The following UNC5C variants were observed in gnomAD, a reference collection of about 807,000 sequenced individuals.
UNC5C encodes the protein unc-5 netrin receptor C, also known as netrin receptor UNC5C.
A neutral mutation model predicts 99.8 loss-of-function variants in UNC5C; 47 were observed. The observed-to-expected ratio is 0.47, with a 90% confidence interval of 0.37 to 0.60. The LOEUF (loss-of-function observed/expected upper bound fraction) is 0.60. Ranked by LOEUF, UNC5C falls within the 20% of genes least tolerant of loss-of-function variation. UNC5C has a pLI of 0.00. For synonymous variants in UNC5C, 487 were observed against 452.2 expected (o/e 1.08, Z -0.98); for missense variants, 1,062 against 1,165.9 (o/e 0.91, Z 1.30).
At chr4:95,252,181 C>T (rs1426695154) in intron 4 of UNC5C, among the ~76,000 whole-genome samples, 1 of 152,174 alleles carries the variant, frequency 6.6e-6, no homozygotes, top group Non-Finnish European at 1.5e-5. Context: ...TACGATCCTG[C>T]TGGAAGTGCA....
At chr4:95,169,455 C>A (rs770095006) in intron 15 of UNC5C, 56 bp from the exon 16 acceptor site, 127 of 1,581,824 alleles carry the variant, frequency 8.0e-5, no homozygotes, top group Non-Finnish European at 1.1e-4. Context: ...ATCTATTTTT[C>A]CTCAGCTAAA....
chr4:95,470,284 T>C (rs1747927010), intron 1 of UNC5C, among the ~76,000 whole-genome samples: 1 of 152,184 alleles, frequency 6.6e-6, no homozygotes, highest in Non-Finnish European at 1.5e-5. Context: ...TTTTTCCATA[T>C]ATTTATTTTT....
chr4:95,288,466 G>C (rs1242363673), intron 3 of UNC5C, among the ~76,000 whole-genome samples: 1 of 152,228 alleles, frequency 6.6e-6, no homozygotes, highest in Non-Finnish European at 1.5e-5. Context: ...ATTACTCCAT[G>C]ATGTGAATTT....
At chr4:95,232,151 T>A (rs950123808) in intron 7 of UNC5C, among the ~76,000 whole-genome samples, 55 of 152,024 alleles carry the variant, frequency 3.6e-4, no homozygotes, top group Non-Finnish European at 3.1e-4. Context: ...AATATCAAAC[T>A]CATAGATCAG....
At chr4:95,342,044 G>A (rs1023781612) in intron 1 of UNC5C, among the ~76,000 whole-genome samples, 1 of 152,134 alleles carries the variant, frequency 6.6e-6, no homozygotes, top group Admixed American at 6.5e-5. Context: ...TGGGCTAAGG[G>A]CTGTAAGGTC....
intron 1 of UNC5C, among the ~76,000 whole-genome samples, chr4:95,537,072 T>C (rs1013752426): frequency 1.3e-5 from 2 of 152,216 alleles, no homozygotes; most frequent in Non-Finnish European, 2.9e-5. Flanking sequence ...CTTTTCCTTT[T>C]CCTTTCTTTG....
intron 1 of UNC5C, among the ~76,000 whole-genome samples, chr4:95,422,484 G>A (rs958753561): frequency 6.6e-6 from 1 of 151,848 alleles, no homozygotes; most frequent in African/African-American, 2.4e-5. Flanking sequence ...TTTGAGACAT[G>A]TTTTTTTCTC....
At chr4:95,354,479 A>ATATTTTTTTTTTTTTTTT in intron 1 of UNC5C, among the ~76,000 whole-genome samples, 7 of 110,346 alleles carry the variant, frequency 6.3e-5, no homozygotes, top group Non-Finnish European at 9.0e-5. Flanking sequence ...ATATATATAT[A>ATATTTTTTTTTTTTTTTT]TTTTTTTTTT....
At chr4:95,357,753 T>C (rs1231236280) in intron 1 of UNC5C, among the ~76,000 whole-genome samples, 1 of 152,116 alleles carries the variant, frequency 6.6e-6, no homozygotes, top group Non-Finnish European at 1.5e-5. Flanking sequence ...ATCAAGCCAC[T>C]GTACTCCATC....
At chr4:95,456,449 CACTG>C (rs931242508) in intron 1 of UNC5C, among the ~76,000 whole-genome samples, 1 of 152,110 alleles carries the variant, frequency 6.6e-6, no homozygotes, top group African/African-American at 2.4e-5. Context: ...TGTACATTTT[CACTG>C]ACTGTGTCAT....
chr4:95,293,235 TAAG>T (rs1267261189), intron 3 of UNC5C, among the ~76,000 whole-genome samples: 1 of 142,732 alleles, frequency 7.0e-6, no homozygotes, highest in Non-Finnish European at 1.5e-5. Context: ...GACAAAGCAA[TAAG>T]AAGAGAGGCA....
intron 1 of UNC5C, among the ~76,000 whole-genome samples, chr4:95,466,879 A>G (rs1747797747): frequency 6.6e-6 from 1 of 152,098 alleles, no homozygotes. Flanking sequence ...CTTCATTCCC[A>G]TTGGGTGTGG....
intron 1 of UNC5C, among the ~76,000 whole-genome samples, chr4:95,412,443 ACTGGAAG>A (rs1157424495): frequency 1.3e-5 from 2 of 152,062 alleles, no homozygotes; most frequent in Non-Finnish European, 2.9e-5. Context: ...CCAATCCTAG[ACTGGAAG>A]CTCCTTGAAG....
At chr4:95,176,826 G>T (rs9307154) in intron 14 of UNC5C, among the ~76,000 whole-genome samples, 86,207 of 151,928 alleles carry the variant, frequency 0.57, 24,722 homozygotes, top group Middle Eastern at 0.68. Context: ...CAATGGCGGG[G>T]GCCCCTCCCC....
intron 1 of UNC5C, among the ~76,000 whole-genome samples, chr4:95,510,439 AT>A (rs1722040909): frequency 6.6e-6 from 1 of 151,832 alleles, no homozygotes; most frequent in African/African-American, 2.4e-5. Context: ...TTTTTCCTTA[AT>A]TTTTTATTCA....
Position 95,251,285 on chromosome 4 carries a change from A to T in UNC5C, c.595-618T>A, listed in dbSNP as rs183112251. ...ATAGTTGGAGATGTATCTAAGCCAA[A>T]TTTTTTTTTAAGTTTTTCTACCAAT... On this transcript the variant is annotated intron_variant, in intron 4 of 15. Transcript: ENST00000453304. Among the ~76,000 whole-genome samples the T allele has an allele frequency of 6.8e-3, 1,040 of 151,842 alleles. 12 individuals carry two copies. The highest frequency in any genetic ancestry group is 0.023 in the African/African-American group (972 of 41,420).
intron 1 of UNC5C, among the ~76,000 whole-genome samples, chr4:95,538,921 T>C (rs952373360): frequency 6.6e-6 from 1 of 152,164 alleles, no homozygotes; most frequent in Admixed American, 6.5e-5. Flanking sequence ...TAAATAAAGC[T>C]TTAAATGGAA....
intron 1 of UNC5C, among the ~76,000 whole-genome samples, chr4:95,457,384 C>T (rs959269967): frequency 4.6e-5 from 7 of 151,900 alleles, no homozygotes; most frequent in African/African-American, 1.7e-4. Context: ...GAACATTAAC[C>T]CCTTCCCTAT....
intron 4 of UNC5C, among the ~76,000 whole-genome samples, chr4:95,251,317 T>C (rs1035685587): frequency 1.3e-5 from 2 of 152,208 alleles, no homozygotes; most frequent in African/African-American, 4.8e-5. Flanking sequence ...CAATTCTTAA[T>C]ACAATCTGAA....
Sources: allele counts gnomAD v4.1 joint callset (sites outside exome capture counted in the v4.1 genomes callset), GRCh38; gene constraint gnomAD v4.1.1; transcripts MANE v1.5; gene names NCBI Gene and HGNC (gene_info 2026-07-23, HGNC 2026-07-21).